RANBP10: variants seen among roughly 807,000 people sequenced by gnomAD.
RANBP10 encodes ran-binding protein 10.
Under a neutral mutation model 72.8 loss-of-function variants are expected in RANBP10, and 24 were observed. That is an observed-to-expected ratio of 0.33 (90% CI 0.24 to 0.46). The LOEUF (loss-of-function observed/expected upper bound fraction) is 0.46, where lower values mean the gene tolerates loss of function less well. Ranked by LOEUF, RANBP10 falls within the 20% of genes least tolerant of loss-of-function variation. The pLI, the probability that RANBP10 is intolerant of heterozygous loss-of-function variation, is 1.00. For synonymous variants in RANBP10, 310 were observed against 322.3 expected (o/e 0.96, Z 0.41); for missense variants, 679 against 817.5 (o/e 0.83, Z 2.07).
chr16:67,728,679 G>C (rs1218773178), intron 10 of RANBP10, 168 bp from the exon 11 acceptor site: 1 of 1,265,240 alleles, frequency 7.9e-7, no homozygotes, highest in Non-Finnish European at 1.1e-6. Context: ...GGCCCCTACT[G>C]TGACACCAGC....
intron 2 of RANBP10, among the ~76,000 whole-genome samples, chr16:67,773,522 A>G (rs2054644407): frequency 6.6e-6 from 1 of 152,118 alleles, no homozygotes; most frequent in African/African-American, 2.4e-5. Flanking sequence ...GGGTTGCTGC[A>G]CCACTATATT....
chr16:67,783,974 T>C (rs528811659), intron 2 of RANBP10, among the ~76,000 whole-genome samples: 8 of 138,744 alleles, frequency 5.8e-5, no homozygotes, highest in South Asian at 2.2e-4. Context: ...ACCTGGAAGG[T>C]GGAGGTTGCA....
chr16:67,726,086 C>T lies in RANBP10; in HGVS notation c.*342G>A. 1 of 266,092 alleles carries T rather than the reference C, an allele frequency of 3.8e-6. No homozygotes were observed. The highest frequency in any genetic ancestry group is 7.4e-6 in the Non-Finnish European group (1 of 134,650). The allele number at this position is 266,092 out of a possible 1,614,324, so 16.5% of individuals were successfully genotyped here. ...AGAAACCAGCTCAGCACAAACTCTC[C>T]AGAGATAAATACTGGTGGCTCAGTC... On this transcript the variant is annotated 3_prime_UTR_variant, in exon 14 of 14. Coordinates refer to ENST00000317506, the MANE Select transcript of RANBP10 (RefSeq NM_020850.3).
chr16:67,728,902 C>T (rs1286753292), intron 10 of RANBP10, among the ~76,000 whole-genome samples: 1 of 152,232 alleles, frequency 6.6e-6, no homozygotes, highest in Non-Finnish European at 1.5e-5. Flanking sequence ...TGCTGAGAGC[C>T]ACCTAGAGCT....
intron 3 of RANBP10, among the ~76,000 whole-genome samples, chr16:67,757,993 G>A (rs1170530199): frequency 1.3e-5 from 2 of 152,196 alleles, no homozygotes; most frequent in Non-Finnish European, 2.9e-5. Flanking sequence ...CTTCCCATGG[G>A]CACCTAGGCC....
chr16:67,784,712 G>A (rs966751862), intron 2 of RANBP10, among the ~76,000 whole-genome samples: 7 of 151,998 alleles, frequency 4.6e-5, no homozygotes, highest in African/African-American at 1.7e-4. Flanking sequence ...CCGGCTACTC[G>A]GGAGGCTGAG....
chr16:67,727,674 C>A, intron 12 of RANBP10, 77 bp downstream of exon 12: 1 of 1,601,584 alleles, frequency 6.2e-7, no homozygotes, highest in Non-Finnish European at 8.5e-7. Flanking sequence ...CCTGCTGCCC[C>A]CTGGACTCTC....
chr16:67,771,307 C>T (rs949510260), intron 3 of RANBP10, among the ~76,000 whole-genome samples: 1 of 151,560 alleles, frequency 6.6e-6, no homozygotes, highest in Non-Finnish European at 1.5e-5. Flanking sequence ...AATCACATTC[C>T]ACGTGGGAGG....
intron 4 of RANBP10, among the ~76,000 whole-genome samples, chr16:67,742,341 C>T (rs1027212603): frequency 6.6e-5 from 10 of 152,080 alleles, no homozygotes; most frequent in Non-Finnish European, 1.3e-4. Context: ...ACACAAACAA[C>T]AAATTTTAGA....
At chr16:67,755,683 CAA>C (rs58929828) in intron 3 of RANBP10, among the ~76,000 whole-genome samples, 24 of 54,354 alleles carry the variant, frequency 4.4e-4, no homozygotes, top group Middle Eastern at 0.01. Context: ...GACTCTGCCT[CAA>C]AAAAAAAAAA....
intron 3 of RANBP10, among the ~76,000 whole-genome samples, chr16:67,767,218 G>A (rs1396941035): frequency 1.3e-5 from 2 of 152,086 alleles, no homozygotes; most frequent in Admixed American, 6.6e-5. Context: ...AAGAGACTCA[G>A]ATCAGCCCAG....
chr16:67,738,109 A>G, intron 4 of RANBP10, 74 bp from the exon 5 acceptor site: 1 of 1,454,990 alleles, frequency 6.9e-7, no homozygotes, highest in African/African-American at 1.4e-5. Context: ...TGGTGGAGCC[A>G]GTGCTAGGGC....
chr16:67,747,986 A>C (rs1208007734), intron 3 of RANBP10, among the ~76,000 whole-genome samples: 2 of 147,550 alleles, frequency 1.4e-5, no homozygotes, highest in African/African-American at 5.0e-5. Context: ...ATGCCTGGCT[A>C]ATTTTGTTTT....
intron 6 of RANBP10, 132 bp from the exon 7 acceptor site, chr16:67,731,716 T>C (rs1284863597): frequency 3.1e-6 from 2 of 639,658 alleles, no homozygotes; most frequent in Non-Finnish European, 5.4e-6. Context: ...CTCCACAGAA[T>C]GAGAATAAAG....
chr16:67,776,600 C>T (rs886067929), intron 2 of RANBP10, among the ~76,000 whole-genome samples: 1 of 150,262 alleles, frequency 6.7e-6, no homozygotes, highest in Non-Finnish European at 1.5e-5. Flanking sequence ...TGGTGAAACC[C>T]TGTCTCTGTT....
chr16:67,769,520 C>T (rs935348076), intron 3 of RANBP10, among the ~76,000 whole-genome samples: 13 of 145,356 alleles, frequency 8.9e-5, no homozygotes, highest in African/African-American at 2.3e-4. Context: ...CCAAGTCAGG[C>T]GGACCACGAG....
At chr16:67,775,997 T>G (rs1406103061) in intron 2 of RANBP10, among the ~76,000 whole-genome samples, 1 of 150,848 alleles carries the variant, frequency 6.6e-6, no homozygotes, top group African/African-American at 2.4e-5. Flanking sequence ...TACAAAAAAT[T>G]AGCCAGGCAT....
intron 2 of RANBP10, among the ~76,000 whole-genome samples, chr16:67,782,441 A>T (rs899401289): frequency 6.6e-6 from 1 of 151,366 alleles, no homozygotes; most frequent in Non-Finnish European, 1.5e-5. Context: ...ATTTTATTTT[A>T]TATTTTATTT....
At chr16:67,774,309 C>T (rs13335252) in intron 2 of RANBP10, among the ~76,000 whole-genome samples, 6,191 of 152,306 alleles carry the variant, frequency 0.041, 341 homozygotes, top group African/African-American at 0.13. Flanking sequence ...CATGTGCAAA[C>T]GGGGAGGTCA....
Sources: allele counts gnomAD v4.1 joint callset (sites outside exome capture counted in the v4.1 genomes callset), GRCh38; gene constraint gnomAD v4.1.1; transcripts MANE v1.5; gene names NCBI Gene and HGNC (gene_info 2026-07-23, HGNC 2026-07-21).